The following RGR variants were observed in gnomAD, a reference collection of about 807,000 sequenced individuals.
The protein encoded by RGR is RPE-retinal G protein-coupled receptor.
Under a neutral mutation model 28.6 loss-of-function variants are expected in RGR, and 30 were observed. That is an observed-to-expected ratio of 1.05 (90% CI 0.78 to 1.42). The LOEUF (loss-of-function observed/expected upper bound fraction) is 1.42. Ranked by LOEUF, RGR falls within the 40% of genes most tolerant of loss-of-function variation. The probability of loss-of-function intolerance (pLI) is 0.00; values close to 1 mark genes in which losing one functional copy is unlikely to be tolerated. For synonymous variants in RGR, 180 were observed against 156.4 expected, an observed-to-expected ratio of 1.15 and a Z score of -1.13; for missense variants, 404 against 375.6, an observed-to-expected ratio of 1.08 and a Z score of -0.62.
rs932239268 is a variant in RGR at position 84,250,684 on chromosome 10, G to A, written c.358+1641G>A. On this transcript the variant is annotated intron_variant, in intron 3 of 6. Transcript: ENST00000652092. Reference sequence around the variant, plus strand: ...GAGCAGTGTGAAGGCAGGCAAAGGGGAATGAGGAGGTCTGAATTCATCTAC... The same window carrying A: ...GAGCAGTGTGAAGGCAGGCAAAGGGAAATGAGGAGGTCTGAATTCATCTAC... 4 of 486,926 alleles carry A rather than the reference G, an allele frequency of 8.2e-6. No individual in the cohort carries two copies. The Admixed American group carries it at 1.3e-4, about 16-fold the overall frequency. The allele number at this position is 486,926 out of a possible 1,614,324, so 30.2% of individuals were successfully genotyped here.
At chr10:84,248,516 G>C (rs1018194565) in intron 2 of RGR, 9 of 314,596 alleles carry the variant, frequency 2.9e-5, no homozygotes, top group African/African-American at 1.9e-4. Context: ...TTCCACCTTT[G>C]CTTGCCCTTT....
chr10:84,254,457 T>C lies in RGR; in HGVS notation c.630+14T>C, dbSNP rs779707405. 6.2e-7 allele frequency: 1 copy of C among 1,602,850 alleles called. No homozygotes were observed. Among genetic ancestry groups the C allele is most frequent in the African/African-American group, 1.3e-5 (1 of 74,670 alleles). On this transcript the variant is annotated intron_variant, in intron 5 of 6. Transcript: ENST00000652092. ...GGCCATCTCCAGGTAAGGACCCCCT[T>C]CCGGAGTGTTATCTGATGGTGCAGC...
chr10:84,258,400 C>T, intron 6 of RGR, 108 bp from the exon 7 acceptor site: 1 of 1,573,932 alleles, frequency 6.4e-7, no homozygotes, highest in Non-Finnish European at 8.7e-7. Flanking sequence ...GGCTGCAGAA[C>T]TAAATGATTG....
At chr10:84,247,481 C>T in intron 1 of RGR, 110 bp from the exon 2 acceptor site, 3 of 1,285,912 alleles carry the variant, frequency 2.3e-6, no homozygotes. Context: ...TATTGATTGT[C>T]TTCCTTGTCT....
chr10:84,259,625 ATT>A lies in RGR; in HGVS notation c.*988_*989del, dbSNP rs1842929413. On this transcript the variant is annotated 3_prime_UTR_variant, in exon 7 of 7. Transcript: ENST00000652092. Reference sequence around the variant, plus strand: ...AGGTCTCATTGTGGTTTTAATTTCCATTTCTCTGATGACTTTTGATGTTAAGC... The same window carrying A: ...AGGTCTCATTGTGGTTTTAATTTCCATCTCTGATGACTTTTGATGTTAAGC... The A allele has an allele frequency of 6.6e-6, 1 of 151,908 alleles. No individual in the cohort carries two copies. Among genetic ancestry groups the A allele is most frequent in the African/African-American group, 2.4e-5 (1 of 41,344 alleles). 9.4% of individuals were successfully genotyped at this position (151,908 alleles called of 1,614,324 possible).
intron 5 of RGR, among the ~76,000 whole-genome samples, chr10:84,257,166 G>GT (rs1842898858): frequency 6.6e-6 from 1 of 152,214 alleles, no homozygotes; most frequent in African/African-American, 2.4e-5. Context: ...GCACGTCCGC[G>GT]TGTTTGTGCG....
chr10:84,255,530 C>T (rs1842872181), intron 5 of RGR: 1 of 152,166 alleles, frequency 6.6e-6, no homozygotes, highest in Non-Finnish European at 1.5e-5. Context: ...AAATACAATA[C>T]TTCAAAATAA....
chr10:84,254,626 C>G (rs576464075), intron 5 of RGR, among the ~76,000 whole-genome samples, 183 bp downstream of exon 5: 3 of 152,202 alleles, frequency 2.0e-5, no homozygotes, highest in Non-Finnish European at 4.4e-5. Flanking sequence ...CCAATCTCTG[C>G]GAAGTGAGAT....
chr10:84,256,302 C>T lies in RGR; in HGVS notation c.631-1591C>T, dbSNP rs1842886795. Among the ~76,000 whole-genome samples the T allele has an allele frequency of 2.6e-5, 4 of 152,000 alleles. No individual in the cohort carries two copies. In the South Asian group the frequency reaches 8.3e-4, roughly 32 times the overall value. On this transcript the variant is annotated intron_variant, in intron 5 of 6. Transcript: ENST00000652092. ...CTCCTGACCTCAGGTGATCCACCCACTTCAGCCTCCCAAAGTGCTGGGATT... is the reference window on the plus strand; with the variant it reads ...CTCCTGACCTCAGGTGATCCACCCATTTCAGCCTCCCAAAGTGCTGGGATT...
chr10:84,249,165 G>T lies in RGR; in HGVS notation c.358+122G>T. Reference sequence around the variant, plus strand: ...TTCCCAGTACAGGGAAGTGTGGGTAGGTGTGAGTGTGCATGCATAGGCACT... The same window carrying T: ...TTCCCAGTACAGGGAAGTGTGGGTATGTGTGAGTGTGCATGCATAGGCACT... On this transcript the variant is annotated intron_variant, in intron 3 of 6. Coordinates refer to ENST00000652092, the MANE Select transcript of RGR (RefSeq NM_001012720.2). 3.5e-6 allele frequency: 5 copies of T among 1,424,722 alleles called. 1 individual carries two copies. The highest frequency in any genetic ancestry group is 2.3e-5 in the East Asian group (1 of 43,494). The allele number at this position is 1,424,722 out of a possible 1,614,324, so 88.3% of individuals were successfully genotyped here.
intron 5 of RGR, among the ~76,000 whole-genome samples, chr10:84,254,771 C>T (rs539216733): frequency 7.7e-4 from 118 of 152,304 alleles, no homozygotes; most frequent in African/African-American, 2.6e-3. Flanking sequence ...CCCTTGTGTG[C>T]TTGCCTGTCA....
intron 6 of RGR, 47 bp from the exon 7 acceptor site, chr10:84,258,461 G>T: frequency 1.9e-6 from 3 of 1,613,896 alleles, no homozygotes; most frequent in South Asian, 2.2e-5. Flanking sequence ...CCAGAGAGAG[G>T]ATCAGTGGCT....
At chr10:84,252,303 G>C (rs904228503) in intron 3 of RGR, among the ~76,000 whole-genome samples, 1 of 152,208 alleles carries the variant, frequency 6.6e-6, no homozygotes. Context: ...AAGTGCTGAG[G>C]ATGGTGGTAA....
chr10:84,252,154 A>G (rs1167105817), intron 3 of RGR, among the ~76,000 whole-genome samples: 1 of 152,208 alleles, frequency 6.6e-6, no homozygotes, highest in Non-Finnish European at 1.5e-5. Flanking sequence ...GAGGAGGTCA[A>G]ATCAGCATGG....
Position 84,245,116 on chromosome 10 carries a change from CTGG to C in RGR, c.27_29del (p.Gly10del). 1 of 1,613,626 alleles carries C rather than the reference CTGG, an allele frequency of 6.2e-7. No homozygotes were observed. The highest frequency in any genetic ancestry group is 8.5e-7 in the Non-Finnish European group (1 of 1,179,904). ...ATGGCAGAGACCAGTGCCCTGCCCACTGGCTTCGGGGAGCTCGAGGTGCTGGCT... is the reference window on the plus strand; with the variant it reads ...ATGGCAGAGACCAGTGCCCTGCCCACCTTCGGGGAGCTCGAGGTGCTGGCT... On this transcript the variant is annotated inframe_deletion, in exon 1 of 7. Transcript: ENST00000652092.
intron 5 of RGR, among the ~76,000 whole-genome samples, chr10:84,257,214 C>G (rs1422867009): frequency 6.6e-6 from 1 of 152,212 alleles, no homozygotes; most frequent in Non-Finnish European, 1.5e-5. Context: ...AATTAAAGCG[C>G]GAGTCTTGCG....
chr10:84,248,744 C>G, intron 2 of RGR, 178 bp from the exon 3 acceptor site: 1 of 1,084,364 alleles, frequency 9.2e-7, no homozygotes, highest in South Asian at 1.4e-5. Flanking sequence ...GCATTGGGCT[C>G]CACCCCTTCA....
Position 84,252,874 on chromosome 10 carries a change from A to C in RGR, c.376A>C (p.Asn126His). ...CTGTGCAGGTAGCCAGCTGGCCTGG[A>C]ACTCAGCCGTCTCTCTGGTGCTCTT... is the stretch of plus-strand genomic sequence containing the variant. Reference protein sequence around the residue: ...HYCTRSQLAWNSAVSLVLFVW... With the variant: ...HYCTRSQLAWHSAVSLVLFVW... The change falls in exon 4 of 7, where the codon AAC becomes CAC. Residue 126 changes from asparagine to histidine, a missense_variant. Physicochemically the swap from Asn to His is moderately conservative, Grantham distance 68. Coordinates refer to ENST00000652092, the MANE Select transcript of RGR (RefSeq NM_001012720.2). 6.2e-7 allele frequency: 1 copy of C among 1,614,062 alleles called. No homozygotes were observed. The highest frequency in any genetic ancestry group is 2.2e-5 in the East Asian group (1 of 44,878).
intron 1 of RGR, among the ~76,000 whole-genome samples, chr10:84,245,836 C>G (rs746698348): frequency 2.0e-5 from 3 of 152,226 alleles, no homozygotes; most frequent in Admixed American, 6.5e-5. Context: ...CCTAGAATCC[C>G]TAAGATGCTC....
Sources: allele counts gnomAD v4.1 joint callset (sites outside exome capture counted in the v4.1 genomes callset), GRCh38; gene constraint gnomAD v4.1.1; transcripts MANE v1.5; gene names NCBI Gene and HGNC (gene_info 2026-07-23, HGNC 2026-07-21).